The following CPA6 variants were observed in gnomAD, a reference collection of about 807,000 sequenced individuals.
CPA6 encodes carboxypeptidase B.
A neutral mutation model predicts 63.3 loss-of-function variants in CPA6; 58 were observed. That is an observed-to-expected ratio of 0.92 (90% CI 0.74 to 1.14). The LOEUF (loss-of-function observed/expected upper bound fraction) is 1.14, where lower values mean the gene tolerates loss of function less well. Among genes scored for constraint, CPA6 ranks in the 50% most tolerant of loss-of-function variants. The pLI is 0.00. For missense variants in CPA6, 565 were observed against 526.6 expected (o/e 1.07, Z -0.71); for synonymous variants, 185 against 179.0 (o/e 1.03, Z -0.27).
chr8:67,728,850 C>A (rs920905078), intron 1 of CPA6, among the ~76,000 whole-genome samples: 7 of 152,206 alleles, frequency 4.6e-5, no homozygotes, highest in Non-Finnish European at 1.0e-4. Flanking sequence ...GAGGATGGAG[C>A]TGGTGGTCCG....
chr8:67,626,514 A>G (rs1815197634), intron 1 of CPA6, among the ~76,000 whole-genome samples: 1 of 152,254 alleles, frequency 6.6e-6, no homozygotes, highest in African/African-American at 2.4e-5. Context: ...TATCAATGTC[A>G]TGAAGTTCAT....
intron 2 of CPA6, among the ~76,000 whole-genome samples, chr8:67,599,083 A>T (rs2128982870): frequency 6.6e-6 from 1 of 152,342 alleles, no homozygotes; most frequent in East Asian, 1.9e-4. Flanking sequence ...TTAAGGATTC[A>T]TTATGGAATG....
chr8:67,543,576 C>CCCA (rs1812750584), intron 2 of CPA6, among the ~76,000 whole-genome samples: 2 of 152,058 alleles, frequency 1.3e-5, no homozygotes, highest in African/African-American at 4.8e-5. Flanking sequence ...CTGAGGCATC[C>CCCA]GTTAAGGGCC....
intron 6 of CPA6, among the ~76,000 whole-genome samples, chr8:67,505,966 T>A (rs933786899): frequency 6.6e-6 from 1 of 152,164 alleles, no homozygotes; most frequent in African/African-American, 2.4e-5. Context: ...AGACCCTTCA[T>A]ATCCTTCGAC....
At chr8:67,641,587 C>A (rs1815592916) in intron 1 of CPA6, among the ~76,000 whole-genome samples, 1 of 152,196 alleles carries the variant, frequency 6.6e-6, no homozygotes, top group Admixed American at 6.5e-5. Context: ...AGCAAAGTGT[C>A]ATGTAAGCTG....
intron 1 of CPA6, among the ~76,000 whole-genome samples, chr8:67,719,966 T>A (rs1471603884): frequency 6.6e-6 from 1 of 152,078 alleles, no homozygotes; most frequent in African/African-American, 2.4e-5. Context: ...GTAAGAAGCT[T>A]TCATGCGCGT....
At chr8:67,702,429 C>T (rs545831613) in intron 1 of CPA6, among the ~76,000 whole-genome samples, 2 of 152,084 alleles carry the variant, frequency 1.3e-5, no homozygotes, top group Admixed American at 6.6e-5. Context: ...CTCCCACCCC[C>T]ACCAGGAATG....
chr8:67,496,553 ATATATTTAT>A (rs1225261666), intron 6 of CPA6, among the ~76,000 whole-genome samples: 46 of 120,436 alleles, frequency 3.8e-4, no homozygotes, highest in Non-Finnish European at 6.9e-4. Context: ...ATATATATAT[ATATATTTAT>A]TTTATTTTTT....
chr8:67,637,321 T>A (rs563428462), intron 1 of CPA6, among the ~76,000 whole-genome samples: 1 of 151,802 alleles, frequency 6.6e-6, no homozygotes, highest in Admixed American at 6.5e-5. Flanking sequence ...TTCCATTATA[T>A]GCTTTGAGAA....
At chr8:67,643,996 T>C (rs973620758) in intron 1 of CPA6, among the ~76,000 whole-genome samples, 9 of 152,114 alleles carry the variant, frequency 5.9e-5, no homozygotes, top group Non-Finnish European at 1.2e-4. Context: ...AAATAAGACT[T>C]GGTTGAGCAA....
chr8:67,443,878 A>T (rs971065188), intron 8 of CPA6, among the ~76,000 whole-genome samples: 3 of 152,164 alleles, frequency 2.0e-5, no homozygotes, highest in African/African-American at 7.2e-5. Context: ...TGCATCAAAG[A>T]AATATTTGGA....
intron 1 of CPA6, among the ~76,000 whole-genome samples, chr8:67,672,486 C>T (rs1816371454): frequency 6.6e-6 from 1 of 152,166 alleles, no homozygotes; most frequent in African/African-American, 2.4e-5. Flanking sequence ...GTCCTCCTGT[C>T]CTTCTCCTCA....
chr8:67,662,580 T>TGTATATGTATATATAGATACATACACAC (rs1563382481), intron 1 of CPA6, among the ~76,000 whole-genome samples: 3 of 98,646 alleles, frequency 3.0e-5, no homozygotes, highest in African/African-American at 2.1e-4. Context: ...TACATACACA[T>TGTATATGTATATATAGATACATACACAC]GTATATGTAT....
intron 2 of CPA6, among the ~76,000 whole-genome samples, chr8:67,540,559 C>T (rs1812683195): frequency 6.6e-6 from 1 of 152,242 alleles, no homozygotes; most frequent in Admixed American, 6.5e-5. Flanking sequence ...CTTCTCTCTT[C>T]AGAGCTGGCA....
chr8:67,489,260 T>C (rs1811554152), intron 6 of CPA6, among the ~76,000 whole-genome samples: 1 of 152,158 alleles, frequency 6.6e-6, no homozygotes, highest in South Asian at 2.1e-4. Context: ...TTTACATTTC[T>C]GTTCCTTTTC....
chr8:67,487,159 C>T (rs1811496954), intron 6 of CPA6, among the ~76,000 whole-genome samples: 1 of 152,146 alleles, frequency 6.6e-6, no homozygotes, highest in Non-Finnish European at 1.5e-5. Context: ...CACCCATTAA[C>T]TCGTCATTTA....
intron 1 of CPA6, among the ~76,000 whole-genome samples, chr8:67,688,936 G>A (rs1816760212): frequency 1.3e-5 from 2 of 151,736 alleles, no homozygotes; most frequent in African/African-American, 4.8e-5. Context: ...TCTCAGATTC[G>A]AATATACCAT....
chr8:67,612,800 A>G (rs922883364), intron 2 of CPA6, among the ~76,000 whole-genome samples: 1 of 152,186 alleles, frequency 6.6e-6, no homozygotes, highest in Non-Finnish European at 1.5e-5. Flanking sequence ...GTATTGCCAC[A>G]TATGCATCCC....
chr8:67,490,308 C>G (rs966745505), intron 6 of CPA6, among the ~76,000 whole-genome samples: 1 of 152,086 alleles, frequency 6.6e-6, no homozygotes, highest in African/African-American at 2.4e-5. Flanking sequence ...TTTTAGCAAT[C>G]GATACATACC....
Sources: allele counts gnomAD v4.1 joint callset (sites outside exome capture counted in the v4.1 genomes callset), GRCh38; gene constraint gnomAD v4.1.1; transcripts MANE v1.5; gene names NCBI Gene and HGNC (gene_info 2026-07-23, HGNC 2026-07-21).